The following MYCBP2 variants were observed in gnomAD, a reference collection of about 807,000 sequenced individuals.
MYCBP2 encodes E3 ubiquitin-protein ligase MYCBP2.
MYCBP2 carries 120 observed loss-of-function variants against 525.3 expected under a neutral mutation model. The ratio of observed to expected loss-of-function variants is 0.23; its 90% CI spans 0.20 to 0.27. The LOEUF (loss-of-function observed/expected upper bound fraction) is 0.27. Among genes scored for constraint, MYCBP2 ranks in the 10% least tolerant of loss-of-function variants. MYCBP2 has a pLI of 1.00. For synonymous variants in MYCBP2, 1,894 were observed against 1,955.8 expected (o/e 0.97, Z 0.83); for missense variants, 4,149 against 5,657.1 (o/e 0.73, Z 8.55).
chr13:77,113,393 A>G (rs1403334482), intron 55 of MYCBP2, among the ~76,000 whole-genome samples: 1 of 152,156 alleles, frequency 6.6e-6, no homozygotes, highest in African/African-American at 2.4e-5. Context: ...AGAAGCCTTC[A>G]AGATCAGTGA....
intron 39 of MYCBP2, 99 bp downstream of exon 39, chr13:77,169,515 C>T: frequency 1.1e-6 from 1 of 917,764 alleles, no homozygotes; most frequent in Non-Finnish European, 1.7e-6. Context: ...ATCCCAGATG[C>T]CTCAAAGATG....
At chr13:77,060,475 G>C (rs749942099) in intron 76 of MYCBP2, among the ~76,000 whole-genome samples, 38 of 152,326 alleles carry the variant, frequency 2.5e-4, no homozygotes, top group Non-Finnish European at 1.3e-4. Flanking sequence ...TCCAACACTG[G>C]AAGTTCGTGT....
At chr13:77,100,186 T>A (rs2046853767) in intron 55 of MYCBP2, 1 of 152,138 alleles carries the variant, frequency 6.6e-6, no homozygotes, top group Non-Finnish European at 1.5e-5. Context: ...CATGTTATTA[T>A]TTTTTAAAAG....
At chr13:77,294,131 C>CACATATATATATATATATACAT (rs1555465826) in intron 2 of MYCBP2, among the ~76,000 whole-genome samples, 7 of 65,690 alleles carry the variant, frequency 1.1e-4, no homozygotes, top group African/African-American at 3.7e-4. Context: ...TATATATATA[C>CACATATATATATATATATACAT]ATATATATAT....
rs753119277 is a variant in MYCBP2 at position 77,217,965 on chromosome 13, A to C, written c.2940-8T>G. 3.4e-3 allele frequency: 749 copies of C among 221,462 alleles called. No homozygotes were observed. The East Asian group carries it at 0.069, about 20-fold the overall frequency. The allele number at this position is 221,462 out of a possible 1,614,324, so 13.7% of individuals were successfully genotyped here. Reference sequence around the variant, plus strand: ...ACAAGAGTGGGACATCCCCTAGGTTAAAAAAAAAAAAAGTAAGTCAATTTC... The same window carrying C: ...ACAAGAGTGGGACATCCCCTAGGTTCAAAAAAAAAAAAGTAAGTCAATTTC... On this transcript the variant is annotated splice_polypyrimidine_tract_variant and splice_region_variant and intron_variant, in intron 20 of 82. Transcript: ENST00000544440.
chr13:77,243,871 T>G lies in MYCBP2; in HGVS notation c.2462A>C (p.Gln821Pro). The G allele has an allele frequency of 1.2e-6, 2 of 1,613,324 alleles. No homozygotes were observed. Among genetic ancestry groups the G allele is most frequent in the Non-Finnish European group, 8.5e-7 (1 of 1,179,870 alleles). ...AAGAATTCCTCTTTGTCTTGCCTCT[T>G]GACCATCTAACTCTCTTGCACAGGC... ...CKACARELDGQEARQRGILDA... is the reference protein window; with the variant it reads ...CKACARELDGPEARQRGILDA... The change falls in exon 16 of 83, where the codon CAA (glutamine) becomes CCA (proline). Residue 821 changes from glutamine (Q) to proline (P), a missense_variant. Coordinates refer to ENST00000544440, the MANE Select transcript of MYCBP2 (RefSeq NM_015057.5).
chr13:77,294,113 T>TATATATAC (rs2077824125), intron 2 of MYCBP2, among the ~76,000 whole-genome samples: 1 of 52,886 alleles, frequency 1.9e-5, no homozygotes, highest in East Asian at 5.1e-4. Flanking sequence ...GCTATATATA[T>TATATATAC]ATATATATAT....
chr13:77,309,513 T>C (rs772396078), intron 1 of MYCBP2, among the ~76,000 whole-genome samples: 7 of 152,000 alleles, frequency 4.6e-5, no homozygotes, highest in Non-Finnish European at 1.5e-5. Flanking sequence ...AAGAAGAAAA[T>C]TCAGAGAGAA....
At chr13:77,132,413 T>A (rs936259114) in intron 52 of MYCBP2, among the ~76,000 whole-genome samples, 2 of 152,120 alleles carry the variant, frequency 1.3e-5, no homozygotes, top group African/African-American at 4.8e-5. Context: ...CAAACAAGAT[T>A]AACAAATGAT....
At chr13:77,312,536 A>C (rs1457291073) in intron 1 of MYCBP2, among the ~76,000 whole-genome samples, 7 of 151,994 alleles carry the variant, frequency 4.6e-5, no homozygotes, top group Admixed American at 4.6e-4. Flanking sequence ...AGTAGCCTGT[A>C]AAAAGTTAGG....
intron 7 of MYCBP2, among the ~76,000 whole-genome samples, chr13:77,268,682 G>C (rs2154343087): frequency 6.6e-6 from 1 of 152,120 alleles, no homozygotes. Flanking sequence ...GGGAGGCTGA[G>C]GCAAGAGAAT....
In MYCBP2 at chr13:77,113,416, G is replaced by GT. The variant is rs889539731; in HGVS notation, c.8140+7956dup. On this transcript the variant is annotated intron_variant, in intron 55 of 82. Transcript: ENST00000544440. ...TCAAGATCAGTGATCATGGTTTTTT[G>GT]TTTTTTTTTTAACCTTGCTCATCAC... Among the ~76,000 whole-genome samples, 378 of 146,518 alleles carry GT rather than the reference G, an allele frequency of 2.6e-3. 1 individual carries two copies. The highest frequency in any genetic ancestry group is 3.9e-3 in the South Asian group (18 of 4,596).
chr13:77,180,205 G>A lies in MYCBP2; in HGVS notation c.5055C>T (p.Ser1685=). The A allele has an allele frequency of 1.9e-6, 3 of 1,614,096 alleles. No homozygotes were observed. Among genetic ancestry groups the A allele is most frequent in the Non-Finnish European group, 2.5e-6 (3 of 1,179,970 alleles). The change falls in exon 34 of 83, where the codon TCC becomes TCT. Residue 1685 remains serine (S), a synonymous_variant. Transcript: ENST00000544440. ...CACAGGTGTTAGAGACGAGGTGGGA[G>A]GAGAAGAGTTCATTTTCTCTCCTCA... ...NSLRRENELF[S]SHLVSNTCGL... is the part of the protein sequence containing the mutation.
rs373276068 is a variant in MYCBP2 at position 77,206,643 on chromosome 13, G to T, written c.3589+10C>A. On this transcript the variant is annotated intron_variant, in intron 24 of 82. Coordinates refer to ENST00000544440, the MANE Select transcript of MYCBP2 (RefSeq NM_015057.5). ...ATGTGAATTAATGGTACATCAAATC[G>T]CAACCCTACCTAAAATGTGCAAAGC... 1 of 1,551,008 alleles carries T rather than the reference G, an allele frequency of 6.4e-7. No homozygotes were observed.
intron 55 of MYCBP2, among the ~76,000 whole-genome samples, chr13:77,111,320 A>C (rs2048781485): frequency 6.6e-6 from 1 of 152,112 alleles, no homozygotes; most frequent in East Asian, 1.9e-4. Flanking sequence ...ATTTTTCCTT[A>C]AAAGGTGGTT....
At position 77,216,129 on chromosome 13, in the gene MYCBP2, A is replaced by G. The variant is rs577577827; in HGVS notation, c.3057+1711T>C. On this transcript the variant is annotated intron_variant, in intron 21 of 82. Transcript: ENST00000544440. ...GAAGCACTCCAAAAAATGAAGGGGC[A>G]TGTCACAAGAATACAGGAGCCAACT... Among the ~76,000 whole-genome samples, 10 of 152,358 alleles carry G rather than the reference A, an allele frequency of 6.6e-5. No homozygotes were observed. In the South Asian group the frequency reaches 1.0e-3, roughly 16 times the overall value.
intron 49 of MYCBP2, among the ~76,000 whole-genome samples, chr13:77,142,495 T>C (rs910050604): frequency 6.6e-6 from 1 of 152,194 alleles, no homozygotes; most frequent in African/African-American, 2.4e-5. Context: ...GTAAAGTACC[T>C]CTTTACCTCC....
At chr13:77,318,627 G>A (rs893051216) in intron 1 of MYCBP2, among the ~76,000 whole-genome samples, 4 of 152,062 alleles carry the variant, frequency 2.6e-5, no homozygotes, top group South Asian at 2.1e-4. Context: ...GGTGGGACAC[G>A]CCTGTAATCC....
In MYCBP2 at chr13:77,070,721, GAAAAAGAAAAAAAAA is replaced by G; in HGVS notation, c.11824-25_11824-11del. 1.5e-6 allele frequency: 2 copies of G among 1,323,240 alleles called. No homozygotes were observed. Among genetic ancestry groups the G allele is most frequent in the South Asian group, 1.7e-5 (1 of 58,278 alleles). The allele number at this position is 1,323,240 out of a possible 1,614,324, so 82.0% of individuals were successfully genotyped here. A position where few individuals can be genotyped will look rare whatever the true frequency, so the allele number is the denominator to read the frequency against. ...CAGCATCTGATGTTGCCTTTACATA[GAAAAAGAAAAAAAAA>G]AAAAAGAATGAAGTGGTCTCTTTAA... On this transcript the variant is annotated splice_polypyrimidine_tract_variant and intron_variant, in intron 68 of 82. Transcript: ENST00000544440.
Sources: gnomAD v4.1 joint callset for allele counts (sites outside exome capture counted in the v4.1 genomes callset) on GRCh38, gnomAD v4.1.1 for gene constraint, MANE v1.5 for transcripts, NCBI Gene and HGNC (gene_info 2026-07-23, HGNC 2026-07-21) for gene names.